RAP2A: variants seen among roughly 807,000 people sequenced by gnomAD.
The protein encoded by RAP2A is ras-related protein Rap-2a.
RAP2A carries 5 observed loss-of-function variants against 15.1 expected under a neutral mutation model. That is an observed-to-expected ratio of 0.33 (90% CI 0.17 to 0.70). RAP2A has a LOEUF of 0.70. Ranked by LOEUF, RAP2A falls within the 30% of genes least tolerant of loss-of-function variation. The pLI is 0.68. For synonymous variants in RAP2A, 110 were observed against 99.7 expected, an observed-to-expected ratio of 1.10 and a Z score of -0.62; for missense variants, 111 against 240.3, an observed-to-expected ratio of 0.46 and a Z score of 3.56.
At chr13:97,444,403 A>T (rs955476029) in intron 1 of RAP2A, among the ~76,000 whole-genome samples, 3 of 152,220 alleles carry the variant, frequency 2.0e-5, no homozygotes, top group African/African-American at 7.2e-5. Context: ...CCTCTTTATG[A>T]ATACCAAATA....
chr13:97,442,952 T>C (rs1267335374), intron 1 of RAP2A, among the ~76,000 whole-genome samples: 3 of 152,228 alleles, frequency 2.0e-5, no homozygotes, highest in Non-Finnish European at 4.4e-5. Context: ...ATTAGAAATA[T>C]GAGAATGTAT....
intron 1 of RAP2A, among the ~76,000 whole-genome samples, chr13:97,448,389 CA>C (rs930360807): frequency 1.2e-4 from 19 of 152,176 alleles, no homozygotes; most frequent in Non-Finnish European, 5.9e-5. Context: ...ACAATATCCA[CA>C]GTACTTATTA....
At chr13:97,452,265 A>T (rs1304189110) in intron 1 of RAP2A, among the ~76,000 whole-genome samples, 1 of 151,200 alleles carries the variant, frequency 6.6e-6, no homozygotes, top group African/African-American at 2.4e-5. Context: ...ACCTAACTTT[A>T]GTTTCTATGA....
At chr13:97,454,507 C>A (rs975800943) in intron 1 of RAP2A, among the ~76,000 whole-genome samples, 2 of 151,106 alleles carry the variant, frequency 1.3e-5, no homozygotes, top group Non-Finnish European at 3.0e-5. Flanking sequence ...CGTTCACAGT[C>A]TACTTAGAGT....
chr13:97,438,350 A>G, intron 1 of RAP2A, among the ~76,000 whole-genome samples: 1 of 152,042 alleles, frequency 6.6e-6, no homozygotes, highest in South Asian at 2.1e-4. Context: ...CTTTTATTCT[A>G]GCACCCAGAC....
chr13:97,463,105 GAC>G (rs201258269), intron 1 of RAP2A, among the ~76,000 whole-genome samples: 4,068 of 142,046 alleles, frequency 0.029, 72 homozygotes, highest in South Asian at 0.053. Flanking sequence ...CTTATGGGAA[GAC>G]ACACACACAC....
chr13:97,448,345 T>C (rs183363849), intron 1 of RAP2A, among the ~76,000 whole-genome samples: 88 of 152,316 alleles, frequency 5.8e-4, no homozygotes, highest in African/African-American at 2.1e-3. Context: ...TGAGAGAACT[T>C]AGAGAAGGAT....
At chr13:97,464,093 A>G (rs1211422785) in intron 1 of RAP2A, 112 bp from the exon 2 acceptor site, 7 of 923,258 alleles carry the variant, frequency 7.6e-6, no homozygotes, top group Admixed American at 2.0e-5. Context: ...TTTTCATGCA[A>G]CTGAAGATAC....
At chr13:97,455,248 A>C (rs563724502) in intron 1 of RAP2A, among the ~76,000 whole-genome samples, 2 of 151,238 alleles carry the variant, frequency 1.3e-5, no homozygotes, top group Middle Eastern at 3.2e-3. Context: ...TAAAATTTTC[A>C]TGTGGTTTAT....
intron 1 of RAP2A, among the ~76,000 whole-genome samples, chr13:97,440,047 C>A (rs2066650640): frequency 6.6e-6 from 1 of 152,096 alleles, no homozygotes; most frequent in Non-Finnish European, 1.5e-5. Flanking sequence ...ACACATAGAT[C>A]TTTGGCCCAT....
rs182734236 is a variant in RAP2A, at chr13:97,458,783, A to C, written c.315-5422A>C. 1.7e-3 allele frequency among the ~76,000 whole-genome samples: 255 copies of C among 152,238 alleles called. 1 individual carries two copies. Among genetic ancestry groups the C allele is most frequent in the Admixed American group, 3.3e-3 (51 of 15,292 alleles). Reference sequence around the variant, plus strand: ...ACAGTTACAAGAAAGGAGAAAGCAAAATAAAGTATTTTGATAAACACATCA... The same window carrying C: ...ACAGTTACAAGAAAGGAGAAAGCAACATAAAGTATTTTGATAAACACATCA... On this transcript the variant is annotated intron_variant, in intron 1 of 1. Transcript: ENST00000245304.
chr13:97,439,843 T>C (rs2066649715), intron 1 of RAP2A, among the ~76,000 whole-genome samples: 1 of 152,058 alleles, frequency 6.6e-6, no homozygotes, highest in Non-Finnish European at 1.5e-5. Context: ...CGTGGGGTGT[T>C]TTAAGATTGG....
At chr13:97,455,992 T>C (rs74105473) in intron 1 of RAP2A, among the ~76,000 whole-genome samples, 2,231 of 151,434 alleles carry the variant, frequency 0.015, 115 homozygotes, top group African/African-American at 0.051. Context: ...TTTCTCCCAC[T>C]CTCTTCGGGA....
chr13:97,436,239 T>G (rs1247564891), intron 1 of RAP2A: 2 of 152,148 alleles, frequency 1.3e-5, no homozygotes, highest in Non-Finnish European at 1.5e-5. Flanking sequence ...GTTAAATGTT[T>G]ATAGTTAAGA....
chr13:97,460,383 T>C (rs1290463346), intron 1 of RAP2A, among the ~76,000 whole-genome samples: 1 of 152,234 alleles, frequency 6.6e-6, no homozygotes, highest in Non-Finnish European at 1.5e-5. Context: ...CTTCAGAGTA[T>C]CTTAGGAATT....
intron 1 of RAP2A, among the ~76,000 whole-genome samples, chr13:97,446,601 T>C (rs772824965): frequency 6.6e-6 from 1 of 152,150 alleles, no homozygotes; most frequent in Non-Finnish European, 1.5e-5. Flanking sequence ...ACCAAGCCAG[T>C]TTGGGGCCTA....
At chr13:97,439,832 G>GC (rs1433170059) in intron 1 of RAP2A, among the ~76,000 whole-genome samples, 2 of 152,144 alleles carry the variant, frequency 1.3e-5, no homozygotes, top group Non-Finnish European at 2.9e-5. Flanking sequence ...AGGCGAGAAG[G>GC]CGTGGGGTGT....
At chr13:97,442,436 T>A (rs889952973) in intron 1 of RAP2A, among the ~76,000 whole-genome samples, 15 of 152,062 alleles carry the variant, frequency 9.9e-5, no homozygotes, top group African/African-American at 3.6e-4. Context: ...TTGGAAAAAA[T>A]TAATAACTAT....
intron 1 of RAP2A, among the ~76,000 whole-genome samples, chr13:97,451,225 C>T (rs1401346419): frequency 6.6e-6 from 1 of 152,016 alleles, no homozygotes; most frequent in East Asian, 1.9e-4. Flanking sequence ...TGTTTATAAT[C>T]TTACTGATTT....
Sources: allele counts gnomAD v4.1 joint callset (sites outside exome capture counted in the v4.1 genomes callset), GRCh38; gene constraint gnomAD v4.1.1; transcripts MANE v1.5; gene names NCBI Gene and HGNC (gene_info 2026-07-23, HGNC 2026-07-21).